The following DSP variants were observed in gnomAD, a reference collection of about 807,000 sequenced individuals.
DSP encodes desmoplakin.
Under a neutral mutation model 290.6 loss-of-function variants are expected in DSP, and 114 were observed. The ratio of observed to expected loss-of-function variants is 0.39; its 90% CI spans 0.34 to 0.46. DSP has a LOEUF of 0.46. Among genes scored for constraint, DSP ranks in the 20% least tolerant of loss-of-function variants. DSP has a pLI of 0.99. For missense variants in DSP, 3,230 were observed against 3,495.8 expected, an observed-to-expected ratio of 0.92 and a Z score of 1.92; for synonymous variants, 1,311 against 1,316.4, an observed-to-expected ratio of 1.00 and a Z score of 0.09.
rs1581826610 is a variant in DSP, at chr6:7,585,704, C to T, written c.8442C>T (p.Pro2814=). ...CCTCCGTGTCGTCCAAGGGCTTACC[C>T]AGCCCTTACAACATGTCTTCGGCTC... ...EAASVSSKGL[P]SPYNMSSAPG... is the part of the protein sequence containing the mutation. Residue 2814 remains proline (P), a synonymous_variant, in exon 24 of 24, where the codon CCC becomes CCT. Coordinates refer to ENST00000379802, the MANE Select transcript of DSP (RefSeq NM_004415.4). The T allele has an allele frequency of 6.2e-7, 1 of 1,613,924 alleles. No individual in the cohort carries two copies. Among genetic ancestry groups the T allele is most frequent in the Non-Finnish European group, 8.5e-7 (1 of 1,179,904 alleles).
chr6:7,550,525 G>C (rs1308427665), intron 1 of DSP, among the ~76,000 whole-genome samples: 2 of 151,928 alleles, frequency 1.3e-5, no homozygotes, highest in Admixed American at 1.3e-4. Flanking sequence ...TCCGTCTTTG[G>C]ATTAGAATCC....
intron 4 of DSP, among the ~76,000 whole-genome samples, 176 bp downstream of exon 4, chr6:7,559,576 G>A (rs1758619599): frequency 6.6e-6 from 1 of 152,194 alleles, no homozygotes; most frequent in African/African-American, 2.4e-5. Context: ...ATTTTGGAAT[G>A]AATGAGATTT....
chr6:7,576,716 G>T (rs1048667142), intron 19 of DSP, among the ~76,000 whole-genome samples: 2 of 152,168 alleles, frequency 1.3e-5, no homozygotes, highest in Non-Finnish European at 2.9e-5. Context: ...TGAGGGGATA[G>T]GCCCAGAAAA....
chr6:7,552,616 C>T (rs1020057877), intron 1 of DSP, among the ~76,000 whole-genome samples: 1 of 144,918 alleles, frequency 6.9e-6, no homozygotes, highest in Non-Finnish European at 1.5e-5. Flanking sequence ...TAGAAAAGCA[C>T]GAAGAATTTA....
intron 2 of DSP, among the ~76,000 whole-genome samples, chr6:7,557,015 A>G (rs3799525): frequency 0.24 from 36,955 of 151,780 alleles, 4,777 homozygotes; most frequent in Middle Eastern, 0.31. Context: ...GCTTATATGC[A>G]TCAACGTGCA....
chr6:7,575,057 A>G (rs1443849598), intron 17 of DSP, among the ~76,000 whole-genome samples: 1 of 152,234 alleles, frequency 6.6e-6, no homozygotes, highest in Non-Finnish European at 1.5e-5. Flanking sequence ...GACTTCTTAG[A>G]AACTTTAATA....
At chr6:7,568,063 A>T (rs1758917197) in intron 10 of DSP, among the ~76,000 whole-genome samples, 157 bp downstream of exon 10, 1 of 152,198 alleles carries the variant, frequency 6.6e-6, no homozygotes, top group South Asian at 2.1e-4. Flanking sequence ...TCTCAAAATT[A>T]ACTTCTTTAC....
chr6:7,573,975 A>G (rs1759144637), intron 15 of DSP, 111 bp from the exon 16 acceptor site: 2 of 1,153,154 alleles, frequency 1.7e-6, no homozygotes, highest in Non-Finnish European at 2.6e-6. Flanking sequence ...TACCTGATGT[A>G]ATCATTTCAC....
In DSP at chr6:7,567,831, C is replaced by T. The variant is rs1046392713; in HGVS notation, c.1191C>T (p.Asp397=). The T allele has an allele frequency of 2.5e-6, 4 of 1,613,976 alleles. No individual in the cohort carries two copies. The African/African-American group carries it at 5.3e-5, about 22-fold the overall frequency. ...AAGCATACCTGAAGGGGCTCCAGGA[C>T]TCCATCAGGAAGAAGTACCCCTGCG... ...STEAYLKGLQ[D]SIRKKYPCDK... is the part of the protein sequence containing the mutation. Residue 397 remains aspartate (D), a synonymous_variant, in exon 10 of 24, where the codon GAC becomes GAT. Transcript: ENST00000379802.
intron 1 of DSP, among the ~76,000 whole-genome samples, chr6:7,554,600 AT>A: frequency 6.6e-6 from 1 of 152,218 alleles, no homozygotes; most frequent in East Asian, 1.9e-4. Flanking sequence ...TCACACCATG[AT>A]TTTTAAAAAA....
At chr6:7,554,214 G>A (rs984050313) in intron 1 of DSP, among the ~76,000 whole-genome samples, 3 of 151,860 alleles carry the variant, frequency 2.0e-5, no homozygotes, top group Admixed American at 6.6e-5. Flanking sequence ...TAGCACATCC[G>A]TGAGGACTTT....
chr6:7,552,519 T>C (rs551558518), intron 1 of DSP, among the ~76,000 whole-genome samples: 9 of 143,304 alleles, frequency 6.3e-5, no homozygotes, highest in African/African-American at 1.3e-4. Context: ...GCCGAGATCA[T>C]GCCACTGCAC....
chr6:7,570,332 G>A (rs1759004409), intron 12 of DSP, 105 bp from the exon 13 acceptor site: 1 of 1,541,112 alleles, frequency 6.5e-7, no homozygotes, highest in African/African-American at 1.4e-5. Context: ...CTTTATCAGT[G>A]ACTGTTGTAG....
intron 2 of DSP, among the ~76,000 whole-genome samples, chr6:7,556,624 A>G (rs1277837381): frequency 2.6e-5 from 4 of 152,222 alleles, no homozygotes; most frequent in African/African-American, 4.8e-5. Flanking sequence ...TTTGAAACAG[A>G]TTTTAACCAG....
chr6:7,583,389 G>C lies in DSP; in HGVS notation c.6127G>C (p.Glu2043Gln). The change falls in exon 24 of 24, where the codon GAA becomes CAA. Residue 2043 changes from glutamate to glutamine, a missense_variant. Coordinates refer to ENST00000379802, the MANE Select transcript of DSP (RefSeq NM_004415.4). This position sits in a 1 kb window ranked among gnomAD's most constrained non-coding sequence, Gnocchi z 4.0. ...EAKRKKLISP[E>Q]STVMLLEAQA... is the part of the protein sequence containing the mutation. ...CAAGAGAAAGAAATTAATCAGCCCA[G>C]AATCCACAGTCATGCTTCTGGAGGC... 1 of 1,614,144 alleles carries C rather than the reference G, an allele frequency of 6.2e-7. No homozygotes were observed.
In DSP at chr6:7,584,659, T is replaced by C; in HGVS notation, c.7397T>C (p.Val2466Ala). ...SQKNTLRKRR[V>A]VIVDPETNKE... ...AAGAATACCCTCAGGAAGCGTAGAG[T>C]GGTCATAGTTGACCCAGAAACCAAT... Residue 2466 changes from valine (V) to alanine (A), a missense_variant, in exon 24 of 24, where the codon GTG becomes GCG. Coordinates refer to ENST00000379802, the MANE Select transcript of DSP (RefSeq NM_004415.4). This position sits in a 1 kb window ranked among gnomAD's most constrained non-coding sequence, Gnocchi z 6.4. 6.2e-7 allele frequency: 1 copy of C among 1,613,850 alleles called. No homozygotes were observed. The highest frequency in any genetic ancestry group is 8.5e-7 in the Non-Finnish European group (1 of 1,179,844).
rs138599871 is a variant in DSP at position 7,580,146 on chromosome 6, C to T, written c.3956C>T (p.Thr1319Ile). The T allele has an allele frequency of 3.0e-5, 49 of 1,613,888 alleles. No homozygotes were observed. Among genetic ancestry groups the T allele is most frequent in the Non-Finnish European group, 3.7e-5 (44 of 1,180,004 alleles). ...CAGTCCCTGGAGGAGGCTGCCAAGA[C>T]CATTCAGGACAAAAATAAGGAGATC... ...HKQSLEEAAK[T>I]IQDKNKEIER... Residue 1319 changes from threonine to isoleucine, a missense_variant, in exon 23 of 24, where the codon ACC becomes ATC. Physicochemically the swap from Thr to Ile is moderately conservative, Grantham distance 89. Coordinates refer to ENST00000379802, the MANE Select transcript of DSP (RefSeq NM_004415.4). The surrounding 1 kb of genome is among the most constrained non-coding windows in gnomAD (Gnocchi z 4.2).
In DSP at chr6:7,583,495, T is replaced by C. The variant is rs377035113; in HGVS notation, c.6233T>C (p.Ile2078Thr). The change falls in exon 24 of 24, where the codon ATT becomes ACT. Residue 2078 changes from isoleucine (I) to threonine (T), a missense_variant. By Grantham distance (89) the Ile-to-Thr change is moderately conservative. Coordinates refer to ENST00000379802, the MANE Select transcript of DSP (RefSeq NM_004415.4). The surrounding 1 kb of genome is among the most constrained non-coding windows in gnomAD (Gnocchi z 4.0). ...GACAGTGCCATAGCTCGGGACCTCA[T>C]TGACTTCGATGACCGTCAGCAGATA... is the stretch of plus-strand genomic sequence containing the variant. ...TVDSAIARDL[I>T]DFDDRQQIYA... 3.7e-5 allele frequency: 60 copies of C among 1,614,072 alleles called. No individual in the cohort carries two copies. Among genetic ancestry groups the C allele is most frequent in the Non-Finnish European group, 4.9e-5 (58 of 1,180,046 alleles).
chr6:7,555,665 CA>C, intron 1 of DSP, 52 bp from the exon 2 acceptor site: 1 of 1,554,742 alleles, frequency 6.4e-7, no homozygotes. Flanking sequence ...GAAATTATTT[CA>C]GAATTGAAAT....
Sources: gnomAD v4.1 joint callset for allele counts (sites outside exome capture counted in the v4.1 genomes callset) on GRCh38, gnomAD v4.1.1 for gene constraint, Gnocchi (gnomAD v3.1) non-coding constraint, MANE v1.5 for transcripts, NCBI Gene and HGNC (gene_info 2026-07-23, HGNC 2026-07-21) for gene names.